Variants in DMAC2 observed in about 807,000 individuals in gnomAD.
The protein encoded by DMAC2 is distal membrane-arm assembly complex protein 2.
Under a neutral mutation model 29.6 loss-of-function variants are expected in DMAC2, and 32 were observed. The ratio of observed to expected loss-of-function variants is 1.08; its 90% confidence interval spans 0.81 to 1.45. The LOEUF (loss-of-function observed/expected upper bound fraction) is 1.45. Among genes scored for constraint, DMAC2 ranks in the 40% most tolerant of loss-of-function variants. The pLI is 0.00. For missense variants in DMAC2, 319 were observed against 340.0 expected (o/e 0.94, Z 0.49); for synonymous variants, 133 against 137.4 (o/e 0.97, Z 0.23).
rs1352724453 is a variant in DMAC2, at chr19:41,432,560, A to AGTGTGTGT, written c.597-153_597-152insACACACAC. The stretch of plus-strand genomic sequence containing the variant: ...GTGTGTGTATAGGGAGGTACAGGAC[A>AGTGTGTGT]GTGTGTGCGTGTGTGTGTGTGTGTG... On this transcript the variant is annotated intron_variant, in intron 5 of 5. Coordinates refer to ENST00000221943, the MANE Select transcript of DMAC2 (RefSeq NM_018035.3). The AGTGTGTGT allele has an allele frequency of 6.6e-6, 4 of 602,968 alleles. No homozygotes were observed. In the African/African-American group the frequency reaches 7.3e-5, roughly 11 times the overall value. The allele number at this position is 602,968 out of a possible 1,614,324, so 37.4% of individuals were successfully genotyped here.
intron 2 of DMAC2, among the ~76,000 whole-genome samples, chr19:41,437,236 C>G (rs781939206): frequency 1.3e-5 from 2 of 151,640 alleles, no homozygotes; most frequent in Non-Finnish European, 2.9e-5. Context: ...CCCATCTCTA[C>G]TAAAAATAGA....
At chr19:41,433,504 AG>A in intron 4 of DMAC2, 32 bp downstream of exon 4, 1 of 1,613,960 alleles carries the variant, frequency 6.2e-7, no homozygotes, top group Non-Finnish European at 8.5e-7. Context: ...GAAAACATAG[AG>A]GCCTGTCCCA....
chr19:41,433,188 T>G, intron 5 of DMAC2, 84 bp downstream of exon 5: 1 of 1,426,850 alleles, frequency 7.0e-7, no homozygotes, highest in East Asian at 2.5e-5. Context: ...TGCCTAACAT[T>G]GCCCCTCCCC....
intron 2 of DMAC2, among the ~76,000 whole-genome samples, 183 bp downstream of exon 2, chr19:41,438,035 G>A (rs781868571): frequency 7.9e-5 from 12 of 152,230 alleles, no homozygotes; most frequent in Non-Finnish European, 1.6e-4. Context: ...GAGTGGAGCT[G>A]GTGGGTGGCA....
Position 41,432,217 on chromosome 19 carries a change from G to A in DMAC2, c.*14C>T. 1 of 1,609,894 alleles carries A rather than the reference G, an allele frequency of 6.2e-7. No individual in the cohort carries two copies. Among genetic ancestry groups the A allele is most frequent in the East Asian group, 2.2e-5 (1 of 44,810 alleles). ...CCCGCTGAGAAGCCACGTGAGTGGGGACAGGGCTAAAGGCTAGGCAGGGAC... is the reference window on the plus strand; with the variant it reads ...CCCGCTGAGAAGCCACGTGAGTGGGAACAGGGCTAAAGGCTAGGCAGGGAC... On this transcript the variant is annotated 3_prime_UTR_variant, in exon 6 of 6. Transcript: ENST00000221943.
In DMAC2 at chr19:41,433,379, G is replaced by A. The variant is rs1555770091; in HGVS notation, c.489C>T (p.Asp163=). Residue 163 remains aspartate, a synonymous_variant, in exon 5 of 6, where the codon GAC becomes GAT. Coordinates refer to ENST00000221943, the MANE Select transcript of DMAC2 (RefSeq NM_018035.3). ...LSLQRCCHVD[D]WCLSRLYPLA... is the part of the protein sequence containing the mutation. The stretch of plus-strand genomic sequence containing the variant: ...GTGGGTAGAGGCGGCTGAGACACCA[G>A]TCGTCCACGTGGCAGCAGCGCTGCA... 2 of 1,613,146 alleles carry A rather than the reference G, an allele frequency of 1.2e-6. No individual in the cohort carries two copies. Among genetic ancestry groups the A allele is most frequent in the Non-Finnish European group, 8.5e-7 (1 of 1,179,844 alleles).
rs781910578 is a variant in DMAC2, at chr19:41,433,370, GAGACACCAGTCGTCCACGTGGC to G, written c.476_497del (p.Cys159SerfsTer75). 5 of 1,612,956 alleles carry G rather than the reference GAGACACCAGTCGTCCACGTGGC, an allele frequency of 3.1e-6. No individual in the cohort carries two copies. Among genetic ancestry groups the G allele is most frequent in the Non-Finnish European group, 4.2e-6 (5 of 1,179,816 alleles). On this transcript the variant is annotated frameshift_variant, in exon 5 of 6. Transcript: ENST00000221943. LOFTEE classifies it high-confidence loss of function. ...AGTCGGCCAGTGGGTAGAGGCGGCT[GAGACACCAGTCGTCCACGTGGC>G]AGCAGCGCTGCAGCGACAAGGACTG...
chr19:41,431,714 C>T lies in DMAC2; in HGVS notation c.*517G>A, dbSNP rs782129735. 7.9e-5 allele frequency: 19 copies of T among 239,060 alleles called. No individual in the cohort carries two copies. Among genetic ancestry groups the T allele is most frequent in the African/African-American group, 4.4e-4 (19 of 43,660 alleles). The allele number at this position is 239,060 out of a possible 1,614,324, so 14.8% of individuals were successfully genotyped here. On this transcript the variant is annotated 3_prime_UTR_variant, in exon 6 of 6. Coordinates refer to ENST00000221943, the MANE Select transcript of DMAC2 (RefSeq NM_018035.3). Reference sequence around the variant, plus strand: ...CCAACTGAAAAAGCTGAATTTGGAACATAAAGTCAATAAATCCATAACCAG... The same window carrying T: ...CCAACTGAAAAAGCTGAATTTGGAATATAAAGTCAATAAATCCATAACCAG...
At chr19:41,438,103 A>G (rs924140454) in intron 2 of DMAC2, 115 bp downstream of exon 2, 4 of 963,726 alleles carry the variant, frequency 4.2e-6, no homozygotes, top group Non-Finnish European at 6.3e-6. Flanking sequence ...TGGAGCTGCA[A>G]GAGACATCAA....
Position 41,433,331 on chromosome 19 carries a change from G to C in DMAC2, c.537C>G (p.Leu179=), listed in dbSNP as rs781833178. The part of the protein sequence containing the change: ...LYPLADSLQE[L]SLAGCPRISE... The stretch of plus-strand genomic sequence containing the variant: ...AGATGCGGGGGCAACCGGCCAGCGA[G>C]AGCTCCTGCAACGAGTCGGCCAGTG... Residue 179 remains leucine (L), a synonymous_variant, in exon 5 of 6, where the codon CTC becomes CTG. Coordinates refer to ENST00000221943, the MANE Select transcript of DMAC2 (RefSeq NM_018035.3). 8 of 1,612,060 alleles carry C rather than the reference G, an allele frequency of 5.0e-6. No individual in the cohort carries two copies. The highest frequency in any genetic ancestry group is 1.7e-5 in the Admixed American group (1 of 60,002).
chr19:41,439,574 C>G, intron 1 of DMAC2: 1 of 1,528,326 alleles, frequency 6.5e-7, no homozygotes, highest in Non-Finnish European at 8.8e-7. Context: ...CCATTAGCTC[C>G]TTGTGTCATC....
intron 3 of DMAC2, among the ~76,000 whole-genome samples, chr19:41,434,221 C>T (rs1356037391): frequency 7.3e-5 from 11 of 149,860 alleles, no homozygotes; most frequent in African/African-American, 1.7e-4. Flanking sequence ...GGTGACAGAG[C>T]GAGACTCCAT....
chr19:41,439,874 T>A lies in DMAC2; in HGVS notation c.18+8A>T, dbSNP rs782422397. On this transcript the variant is annotated splice_region_variant and intron_variant, in intron 1 of 5. Transcript: ENST00000221943. ...AAATTTGGGGCTCTAGGAACTCCGG[T>A]CACTTACCGCCCAGGGAGCCGCCAT... The A allele has an allele frequency of 1.2e-6, 2 of 1,614,116 alleles. No individual in the cohort carries two copies. Among genetic ancestry groups the A allele is most frequent in the Non-Finnish European group, 1.7e-6 (2 of 1,180,020 alleles).
chr19:41,438,467 G>T, intron 1 of DMAC2, 53 bp from the exon 2 acceptor site: 1 of 1,454,844 alleles, frequency 6.9e-7, no homozygotes, highest in Middle Eastern at 2.4e-4. Flanking sequence ...GGGAGACACA[G>T]AGCTGGATCC....
chr19:41,438,455 C>T (rs782003714), intron 1 of DMAC2, 41 bp from the exon 2 acceptor site: 14 of 1,539,126 alleles, frequency 9.1e-6, no homozygotes, highest in Middle Eastern at 2.1e-4. Context: ...CTGGAGCCTC[C>T]TGGGAGACAC....
chr19:41,432,879 TGTGC>T (rs1303768542), intron 5 of DMAC2: 18 of 519,688 alleles, frequency 3.5e-5, no homozygotes, highest in Non-Finnish European at 4.7e-5. Flanking sequence ...CGTGTGTGTG[TGTGC>T]GTGCGTGCAT....
rs1599998049 is a variant in DMAC2, at chr19:41,433,521, A to C, written c.433+16T>G. The C allele has an allele frequency of 1.2e-6, 2 of 1,614,080 alleles. No individual in the cohort carries two copies. Among genetic ancestry groups the C allele is most frequent in the Non-Finnish European group, 1.7e-6 (2 of 1,180,006 alleles). On this transcript the variant is annotated intron_variant, in intron 4 of 5. Transcript: ENST00000221943. ...AAACATAGAGGCCTGTCCCATCTCC[A>C]CCCCACCGCACTCACGGAGGTTATC...
At position 41,431,461 on chromosome 19, in the gene DMAC2, C is replaced by T. The variant is rs1555768700; in HGVS notation, c.*770G>A. The T allele has an allele frequency of 2.6e-6, 1 of 384,336 alleles. No homozygotes were observed. Among genetic ancestry groups the T allele is most frequent in the South Asian group, 2.0e-5 (1 of 50,802 alleles). 23.8% of individuals were successfully genotyped at this position (384,336 alleles called of 1,614,324 possible). On this transcript the variant is annotated 3_prime_UTR_variant, in exon 6 of 6. Transcript: ENST00000221943. Reference sequence around the variant, plus strand: ...GGGAACGTTATTCCCAGAGAGGTGCCTCAGTGGAGGCGCTGTGTCTCCTAC... The same window carrying T: ...GGGAACGTTATTCCCAGAGAGGTGCTTCAGTGGAGGCGCTGTGTCTCCTAC...
intron 5 of DMAC2, 69 bp from the exon 6 acceptor site, chr19:41,432,477 G>T: frequency 6.7e-7 from 1 of 1,499,748 alleles, no homozygotes; most frequent in East Asian, 2.3e-5. Context: ...GGGAGGTACA[G>T]GACAGCGTGT....
Sources: gnomAD v4.1 joint callset for allele counts (sites outside exome capture counted in the v4.1 genomes callset) on GRCh38, gnomAD v4.1.1 for gene constraint, MANE v1.5 for transcripts, NCBI Gene and HGNC (gene_info 2026-07-23, HGNC 2026-07-21) for gene names.